STAG1: variants seen among roughly 807,000 people sequenced by gnomAD.
STAG1 encodes cohesin subunit SA-1.
Under a neutral mutation model 170.9 loss-of-function variants are expected in STAG1, and 26 were observed. That is an observed-to-expected ratio of 0.15 (90% CI 0.11 to 0.21). The LOEUF (loss-of-function observed/expected upper bound fraction) is 0.21. STAG1 is among the 10% of genes least tolerant of loss of function. The probability of loss-of-function intolerance (pLI) is 1.00; values close to 1 mark genes in which losing one functional copy is unlikely to be tolerated. For missense variants in STAG1, 964 were observed against 1,509.5 expected (o/e 0.64, Z 5.99); for synonymous variants, 514 against 497.7 (o/e 1.03, Z -0.44).
intron 4 of STAG1, among the ~76,000 whole-genome samples, chr3:136,584,210 C>T (rs1312406773): frequency 6.6e-6 from 1 of 152,194 alleles, no homozygotes; most frequent in African/African-American, 2.4e-5. Context: ...GATCTTCCTT[C>T]AAGATTATTT....
chr3:136,484,663 GCCCCTCCC>G (rs2089966607), intron 9 of STAG1, among the ~76,000 whole-genome samples: 1 of 149,948 alleles, frequency 6.7e-6, no homozygotes, highest in Non-Finnish European at 1.5e-5. Flanking sequence ...AATGGCGGGC[GCCCCTCCC>G]CCAGCCTCGT....
At chr3:136,619,345 C>T (rs1939739401) in intron 3 of STAG1, among the ~76,000 whole-genome samples, 1 of 149,912 alleles carries the variant, frequency 6.7e-6, no homozygotes, top group African/African-American at 2.5e-5. Flanking sequence ...TGCCTTCACA[C>T]AACTTACATT....
chr3:136,503,221 T>G (rs559166879), intron 7 of STAG1, among the ~76,000 whole-genome samples: 21 of 152,320 alleles, frequency 1.4e-4, no homozygotes, highest in African/African-American at 5.1e-4. Flanking sequence ...AATCAATTTG[T>G]GATCTTTACC....
intron 1 of STAG1, among the ~76,000 whole-genome samples, chr3:136,742,620 C>A (rs1934726163): frequency 6.6e-6 from 1 of 150,958 alleles, no homozygotes; most frequent in Non-Finnish European, 1.5e-5. Flanking sequence ...GAGACTGAGA[C>A]AGGAGAATCA....
chr3:136,545,955 T>C (rs1256528593), intron 5 of STAG1, among the ~76,000 whole-genome samples: 2 of 152,170 alleles, frequency 1.3e-5, no homozygotes, highest in Admixed American at 6.5e-5. Context: ...AAATCACGTA[T>C]TGGCACATAA....
intron 4 of STAG1, among the ~76,000 whole-genome samples, chr3:136,578,789 G>C (rs1157085032): frequency 6.6e-6 from 1 of 152,104 alleles, no homozygotes; most frequent in East Asian, 1.9e-4. Flanking sequence ...TCTAAGAGTG[G>C]GACCACCACT....
At chr3:136,385,354 CTCTTGAGCCTGGGA>C in intron 22 of STAG1, among the ~76,000 whole-genome samples, 1 of 152,210 alleles carries the variant, frequency 6.6e-6, no homozygotes, top group East Asian at 1.9e-4. Context: ...GCGGGAGGAT[CTCTTGAGCCTGGGA>C]GATTGAGGCT....
chr3:136,497,424 A>T (rs1361681521), intron 9 of STAG1, among the ~76,000 whole-genome samples: 1 of 152,228 alleles, frequency 6.6e-6, no homozygotes, highest in African/African-American at 2.4e-5. Context: ...ACATCTGAAC[A>T]TAAATTCACC....
At chr3:136,630,473 AG>A (rs956429057) in intron 2 of STAG1, among the ~76,000 whole-genome samples, 1 of 152,200 alleles carries the variant, frequency 6.6e-6, no homozygotes, top group African/African-American at 2.4e-5. Flanking sequence ...TAAATATTTT[AG>A]GCTTTCCACG....
At chr3:136,554,178 G>A (rs1322854062) in intron 5 of STAG1, among the ~76,000 whole-genome samples, 1 of 152,132 alleles carries the variant, frequency 6.6e-6, no homozygotes, top group African/African-American at 2.4e-5. Flanking sequence ...TTATAAAAAA[G>A]CTGGATGTCT....
intron 22 of STAG1, among the ~76,000 whole-genome samples, chr3:136,380,377 G>A (rs1444045802): frequency 6.6e-6 from 1 of 152,036 alleles, no homozygotes; most frequent in Non-Finnish European, 1.5e-5. Flanking sequence ...GAGTAGCTGG[G>A]ACTACAGGTG....
chr3:136,749,837 A>T (rs1935135491), intron 1 of STAG1, among the ~76,000 whole-genome samples: 1 of 151,782 alleles, frequency 6.6e-6, no homozygotes, highest in South Asian at 2.1e-4. Flanking sequence ...GCTCAGCTAT[A>T]CCTCCCCAAA....
intron 1 of STAG1, among the ~76,000 whole-genome samples, chr3:136,677,906 ATT>A (rs1942178533): frequency 2.0e-5 from 3 of 147,494 alleles, no homozygotes; most frequent in African/African-American, 7.4e-5. Context: ...TATAATATAT[ATT>A]ATATATATTT....
At chr3:136,606,295 T>C (rs1401920690) in intron 3 of STAG1, among the ~76,000 whole-genome samples, 1 of 152,060 alleles carries the variant, frequency 6.6e-6, no homozygotes, top group Non-Finnish European at 1.5e-5. Context: ...TTCAAGTGAT[T>C]CTCCTGCCTC....
At chr3:136,712,269 G>C (rs1943405131) in intron 1 of STAG1, among the ~76,000 whole-genome samples, 1 of 152,076 alleles carries the variant, frequency 6.6e-6, no homozygotes, top group South Asian at 2.1e-4. Context: ...AACTGCCTCG[G>C]CCTCCAAAAG....
chr3:136,382,400 T>G (rs34324561), intron 22 of STAG1, among the ~76,000 whole-genome samples: 27,973 of 149,774 alleles, frequency 0.19, 3,001 homozygotes, highest in Non-Finnish European at 0.24. Flanking sequence ...ACCAAGGCTT[T>G]CTTTTTTTTT....
chr3:136,425,382 A>AAT (rs1048680595), intron 16 of STAG1, among the ~76,000 whole-genome samples: 3 of 152,106 alleles, frequency 2.0e-5, no homozygotes, highest in African/African-American at 2.4e-5. Context: ...GTGAAATATG[A>AAT]ATATATATAT....
At chr3:136,362,106 C>T (rs1237813108) in intron 26 of STAG1, among the ~76,000 whole-genome samples, 1 of 151,682 alleles carries the variant, frequency 6.6e-6, no homozygotes, top group East Asian at 1.9e-4. Flanking sequence ...TACAGGCACC[C>T]GCCACCACGC....
intron 2 of STAG1, among the ~76,000 whole-genome samples, chr3:136,623,459 T>G (rs1939954774): frequency 6.6e-6 from 1 of 151,852 alleles, no homozygotes; most frequent in Non-Finnish European, 1.5e-5. Context: ...AAGAGGGAAA[T>G]GAAGAGGAAG....
Sources: gnomAD v4.1 joint callset for allele counts (sites outside exome capture counted in the v4.1 genomes callset) on GRCh38, gnomAD v4.1.1 for gene constraint, MANE v1.5 for transcripts, NCBI Gene and HGNC (gene_info 2026-07-23, HGNC 2026-07-21) for gene names.